Variants in IFT56 observed in about 807,000 individuals in gnomAD.
The protein encoded by IFT56 is intraflagellar transport 56.
At chr7:139,179,755 C>A in the IFT56 span, 1 of 841,444 alleles carries the variant, frequency 1.2e-6, no homozygotes, top group South Asian at 1.7e-5. Context: ...GCATTTTGTT[C>A]TGTAGAATGA....
chr7:139,170,575 A>G, the IFT56 span, among the ~76,000 whole-genome samples: 1 of 152,244 alleles, frequency 6.6e-6, no homozygotes, highest in African/African-American at 2.4e-5. Flanking sequence ...GGGATACATC[A>G]TATCAGCAGA....
chr7:139,163,126 C>T, the IFT56 span, among the ~76,000 whole-genome samples: 3 of 151,894 alleles, frequency 2.0e-5, no homozygotes, highest in South Asian at 2.1e-4. Context: ...GGGCGGATCA[C>T]GAGGTCAGGA....
the IFT56 span, chr7:139,146,889 G>A: frequency 2.3e-6 from 2 of 854,544 alleles, no homozygotes; most frequent in South Asian, 1.7e-5. Flanking sequence ...AAAAGATAAG[G>A]GGAAGGGTCA....
At chr7:139,158,968 C>G in the IFT56 span, among the ~76,000 whole-genome samples, 4 of 152,142 alleles carry the variant, frequency 2.6e-5, no homozygotes, top group African/African-American at 9.7e-5. Context: ...CCAGCTTCAT[C>G]ATGGTTCATT....
the IFT56 span, chr7:139,161,022 G>C: frequency 1.9e-5 from 31 of 1,613,114 alleles, no homozygotes; most frequent in Admixed American, 4.8e-4. Flanking sequence ...GGCACAATCT[G>C]GTGAATAACG....
chr7:139,164,535 T>G, the IFT56 span, among the ~76,000 whole-genome samples: 2 of 152,328 alleles, frequency 1.3e-5, no homozygotes, highest in African/African-American at 2.4e-5. Flanking sequence ...ATTTAAATGT[T>G]TGTGAGTATA....
the IFT56 span, chr7:139,169,232 TAATAA>T: frequency 2.1e-6 from 3 of 1,413,876 alleles, no homozygotes; most frequent in African/African-American, 1.4e-5. Context: ...CCATATAGTA[TAATAA>T]AATAAAATAT....
the IFT56 span, chr7:139,178,218 A>G: frequency 6.2e-7 from 1 of 1,613,078 alleles, no homozygotes; most frequent in Non-Finnish European, 8.5e-7. Context: ...TTTCAGATAC[A>G]ATACCAGGGA....
the IFT56 span, chr7:139,161,153 T>C: frequency 4.0e-5 from 28 of 692,994 alleles, 1 homozygote; most frequent in African/African-American, 3.1e-4. Context: ...CCCTCCTCAC[T>C]GTGGAGGAGA....
At chr7:139,179,280 T>C in the IFT56 span, among the ~76,000 whole-genome samples, 1 of 152,272 alleles carries the variant, frequency 6.6e-6, no homozygotes, top group African/African-American at 2.4e-5. Flanking sequence ...CTTGCCTTAC[T>C]GACCTGTGTG....
At chr7:139,172,599 A>G in the IFT56 span, 1 of 584,884 alleles carries the variant, frequency 1.7e-6, no homozygotes, top group South Asian at 1.4e-5. Flanking sequence ...TAATCACGGT[A>G]TTCTGCTAAA....
chr7:139,190,284 C>G, the IFT56 span: 1 of 152,306 alleles, frequency 6.6e-6, no homozygotes, highest in Admixed American at 6.5e-5. Flanking sequence ...CTCGCTCTGT[C>G]GCCCAGGCTG....
chr7:139,148,392 G>A, the IFT56 span: 1 of 1,598,724 alleles, frequency 6.3e-7, no homozygotes, highest in South Asian at 1.1e-5. Flanking sequence ...TGATGGAAGT[G>A]TGTTTTTAAT....
At chr7:139,160,332 T>A in the IFT56 span, among the ~76,000 whole-genome samples, 1 of 152,210 alleles carries the variant, frequency 6.6e-6, no homozygotes, top group African/African-American at 2.4e-5. Flanking sequence ...AGTTCGTTAA[T>A]CACCTTTGAC....
the IFT56 span, among the ~76,000 whole-genome samples, chr7:139,149,798 A>G: frequency 6.6e-6 from 1 of 152,194 alleles, no homozygotes; most frequent in African/African-American, 2.4e-5. Context: ...ACAGGAGGCC[A>G]TAGATTATTA....
At chr7:139,135,705 T>C in the IFT56 span, among the ~76,000 whole-genome samples, 1 of 152,128 alleles carries the variant, frequency 6.6e-6, no homozygotes, top group African/African-American at 2.4e-5. Context: ...GACTGTGCTT[T>C]AAAAAACTGC....
At chr7:139,136,326 C>A in the IFT56 span, among the ~76,000 whole-genome samples, 3,985 of 152,222 alleles carry the variant, frequency 0.026, 78 homozygotes, top group Non-Finnish European at 0.044. Flanking sequence ...CATGGAAGAA[C>A]CTTCTAGTTC....
the IFT56 span, among the ~76,000 whole-genome samples, chr7:139,172,126 T>C: frequency 7.4e-6 from 1 of 134,460 alleles, no homozygotes; most frequent in Non-Finnish European, 1.5e-5. Flanking sequence ...TGAAACCAAT[T>C]TGCAAAAAAA....
At chr7:139,146,937 G>C in the IFT56 span, 1 of 1,457,886 alleles carries the variant, frequency 6.9e-7, no homozygotes, top group Non-Finnish European at 9.2e-7. Context: ...TTCCATTGTC[G>C]TTGTCAAGCT....
Sources: gnomAD v4.1 joint callset for allele counts (sites outside exome capture counted in the v4.1 genomes callset) on GRCh38, gnomAD v4.1.1 for gene constraint, MANE v1.5 for transcripts, NCBI Gene and HGNC (gene_info 2026-07-23, HGNC 2026-07-21) for gene names.